Variants in IFT25 observed in about 807,000 individuals in gnomAD.
The protein encoded by IFT25 is intraflagellar transport protein 25 homolog.
chr1:53,930,463 C>G, the IFT25 span, among the ~76,000 whole-genome samples: 1 of 152,142 alleles, frequency 6.6e-6, no homozygotes, highest in South Asian at 2.1e-4. Context: ...AAGTTATAGT[C>G]TCTTCCATCA....
chr1:53,942,421 T>C, the IFT25 span, among the ~76,000 whole-genome samples: 1 of 152,222 alleles, frequency 6.6e-6, no homozygotes. Context: ...GATTTTAACG[T>C]CCATGAATTA....
chr1:53,933,235 T>G, the IFT25 span, among the ~76,000 whole-genome samples: 1 of 151,162 alleles, frequency 6.6e-6, no homozygotes, highest in Non-Finnish European at 1.5e-5. Flanking sequence ...CCCGGGTTCA[T>G]GCCATTCTCC....
At chr1:53,931,509 AT>A in the IFT25 span, among the ~76,000 whole-genome samples, 1 of 152,188 alleles carries the variant, frequency 6.6e-6, no homozygotes. Flanking sequence ...GAAGACTGGT[AT>A]TTCTTCCCTA....
chr1:53,924,003 G>A, the IFT25 span: 1 of 1,111,844 alleles, frequency 9.0e-7, no homozygotes, highest in Non-Finnish European at 1.4e-6. Flanking sequence ...CATGAGAATA[G>A]CTATTGAAAT....
the IFT25 span, among the ~76,000 whole-genome samples, chr1:53,924,340 C>T: frequency 2.6e-5 from 4 of 152,082 alleles, no homozygotes; most frequent in Admixed American, 1.3e-4. Context: ...TTGCCATAGC[C>T]ACGGGAAACA....
chr1:53,942,296 T>C, the IFT25 span, among the ~76,000 whole-genome samples: 3 of 152,254 alleles, frequency 2.0e-5, no homozygotes, highest in Non-Finnish European at 2.9e-5. Flanking sequence ...CTGTGAGCCA[T>C]ATCTAGCCTG....
At chr1:53,935,122 T>A in the IFT25 span, among the ~76,000 whole-genome samples, 1 of 152,320 alleles carries the variant, frequency 6.6e-6, no homozygotes, top group East Asian at 1.9e-4. Context: ...AAGACCATCC[T>A]GGCCAACATG....
At chr1:53,926,793 G>C in the IFT25 span, among the ~76,000 whole-genome samples, 1 of 151,712 alleles carries the variant, frequency 6.6e-6, no homozygotes, top group Non-Finnish European at 1.5e-5. Flanking sequence ...CATGATCACA[G>C]CTCATTGCAG....
At chr1:53,945,553 A>C in the IFT25 span, 1 of 152,936 alleles carries the variant, frequency 6.5e-6, no homozygotes, top group Non-Finnish European at 1.5e-5. Flanking sequence ...CTACCCGCTC[A>C]CCTGGGACTC....
the IFT25 span, among the ~76,000 whole-genome samples, chr1:53,916,392 T>A: frequency 1.3e-5 from 2 of 152,202 alleles, no homozygotes; most frequent in Non-Finnish European, 2.9e-5. Flanking sequence ...AGTCATCAAT[T>A]GTTTCCTGCA....
chr1:53,919,696 C>T, the IFT25 span, among the ~76,000 whole-genome samples: 1 of 152,182 alleles, frequency 6.6e-6, no homozygotes, highest in African/African-American at 2.4e-5. Context: ...GATTCAGATC[C>T]CTGCATTGTA....
At chr1:53,944,521 T>G in the IFT25 span, among the ~76,000 whole-genome samples, 6 of 152,184 alleles carry the variant, frequency 3.9e-5, no homozygotes, top group Non-Finnish European at 5.9e-5. Context: ...GGCAGGTGCC[T>G]GTAATCCCAG....
chr1:53,933,771 G>A, the IFT25 span, among the ~76,000 whole-genome samples: 1 of 151,922 alleles, frequency 6.6e-6, no homozygotes, highest in Non-Finnish European at 1.5e-5. Context: ...ATTCATTTTT[G>A]TCTCTCCCTC....
At chr1:53,945,699 T>G in the IFT25 span, 1 of 148,026 alleles carries the variant, frequency 6.8e-6, no homozygotes, top group East Asian at 2.0e-4. Flanking sequence ...GCTCCAACTC[T>G]GAAATCTTCG....
chr1:53,946,077 A>AT, the IFT25 span: 2 of 143,766 alleles, frequency 1.4e-5, no homozygotes, highest in African/African-American at 5.3e-5. Flanking sequence ...TCCGGCTCCC[A>AT]TTACTTCGCG....
At chr1:53,912,470 A>G in the IFT25 span, among the ~76,000 whole-genome samples, 1 of 152,210 alleles carries the variant, frequency 6.6e-6, no homozygotes, top group Non-Finnish European at 1.5e-5. Flanking sequence ...AAGGTGGAGT[A>G]TATGTTAGAG....
chr1:53,919,101 A>T, the IFT25 span, among the ~76,000 whole-genome samples: 5 of 151,936 alleles, frequency 3.3e-5, no homozygotes, highest in African/African-American at 1.2e-4. Context: ...GGCCTCCCTA[A>T]GTGCTGGGAT....
At chr1:53,930,104 T>TG in the IFT25 span, 2 of 1,575,806 alleles carry the variant, frequency 1.3e-6, no homozygotes, top group African/African-American at 2.8e-5. Flanking sequence ...AATGAATTCC[T>TG]GGGGAAACAT....
At chr1:53,915,840 A>G in the IFT25 span, among the ~76,000 whole-genome samples, 1 of 152,186 alleles carries the variant, frequency 6.6e-6, no homozygotes, top group Admixed American at 6.5e-5. Context: ...AGGTGGAGAA[A>G]AGGCCACATG....
Sources: allele counts gnomAD v4.1 joint callset (sites outside exome capture counted in the v4.1 genomes callset), GRCh38; gene constraint gnomAD v4.1.1; transcripts MANE v1.5; gene names NCBI Gene and HGNC (gene_info 2026-07-23, HGNC 2026-07-21).